The following ABCC12 variants were observed in gnomAD, a reference collection of about 807,000 sequenced individuals.
ABCC12 encodes ATP-binding cassette sub-family C member 12.
A neutral mutation model predicts 151.1 loss-of-function variants in ABCC12; 142 were observed. That is an observed-to-expected ratio of 0.94 (90% confidence interval 0.82 to 1.08). ABCC12 has a LOEUF of 1.08. Ranked by LOEUF, ABCC12 falls within the 50% of genes least tolerant of loss-of-function variation. The probability of loss-of-function intolerance (pLI) is 0.00; values close to 1 mark genes in which losing one functional copy is unlikely to be tolerated. For missense variants in ABCC12, 1,638 were observed against 1,691.1 expected, an observed-to-expected ratio of 0.97 and a Z score of 0.55; for synonymous variants, 645 against 646.4, an observed-to-expected ratio of 1.00 and a Z score of 0.03.
intron 22 of ABCC12, among the ~76,000 whole-genome samples, 172 bp from the exon 23 acceptor site, chr16:48,101,181 TG>T (rs1203413261): frequency 4.6e-5 from 7 of 152,078 alleles, no homozygotes; most frequent in Non-Finnish European, 1.0e-4. Flanking sequence ...CTGCCCCAGG[TG>T]TGGGAATGGC....
chr16:48,105,170 G>C lies in ABCC12; in HGVS notation c.2642C>G (p.Ser881Cys). Residue 881 changes from serine to cysteine, a missense_variant, in exon 21 of 31, where the codon TCC becomes TGC. Transcript: ENST00000311303. ...FVFTKTTLMA[S>C]SSLHDTVFDK... ...AAACACCGTGTCATGCAGAGAGGAG[G>C]ATGCCATCAGTGTGGTCTTGGTGAA... The C allele has an allele frequency of 3.1e-6, 5 of 1,614,150 alleles. No homozygotes were observed. Among genetic ancestry groups the C allele is most frequent in the Non-Finnish European group, 3.4e-6 (4 of 1,180,030 alleles).
intron 20 of ABCC12, among the ~76,000 whole-genome samples, chr16:48,106,696 C>T (rs951659440): frequency 6.6e-6 from 1 of 152,166 alleles, no homozygotes; most frequent in Non-Finnish European, 1.5e-5. Flanking sequence ...GAGGATGGGC[C>T]AGCGTCCCCA....
In ABCC12 at chr16:48,140,684, T is replaced by A. The variant is rs1423905611; in HGVS notation, c.657+3A>T. 1 of 1,613,626 alleles carries A rather than the reference T, an allele frequency of 6.2e-7. No individual in the cohort carries two copies. Among genetic ancestry groups the A allele is most frequent in the South Asian group, 1.1e-5 (1 of 91,028 alleles). Reference sequence around the variant, plus strand: ...AACATTAAACTCCTCTGAGCCAGCTTACCTCGCCAACAGAGATGTGGGTCA... The same window carrying A: ...AACATTAAACTCCTCTGAGCCAGCTAACCTCGCCAACAGAGATGTGGGTCA... On this transcript the variant is annotated splice_donor_region_variant and intron_variant, in intron 6 of 30. Transcript: ENST00000311303.
At chr16:48,113,237 C>G (rs1325890665) in intron 15 of ABCC12, among the ~76,000 whole-genome samples, 1 of 152,188 alleles carries the variant, frequency 6.6e-6, no homozygotes, top group Non-Finnish European at 1.5e-5. Context: ...TGAATGATAA[C>G]AGTTCTAACA....
chr16:48,105,353 G>C lies in ABCC12; in HGVS notation c.2476-17C>G. Reference sequence around the variant, plus strand: ...ACAGGTCATCTTTGGAGAAAAACAAGAGAAGCACCAAGAATTGATAAATTC... The same window carrying C: ...ACAGGTCATCTTTGGAGAAAAACAACAGAAGCACCAAGAATTGATAAATTC... On this transcript the variant is annotated splice_polypyrimidine_tract_variant and intron_variant, in intron 20 of 30. Transcript: ENST00000311303. The C allele has an allele frequency of 6.3e-7, 1 of 1,588,234 alleles. No individual in the cohort carries two copies. Among genetic ancestry groups the C allele is most frequent in the Non-Finnish European group, 8.6e-7 (1 of 1,167,798 alleles).
intron 9 of ABCC12, among the ~76,000 whole-genome samples, chr16:48,132,816 A>C (rs1372980345): frequency 6.6e-6 from 1 of 152,218 alleles, no homozygotes; most frequent in African/African-American, 2.4e-5. Flanking sequence ...TGCTTTACAC[A>C]AAATAACTGA....
intron 28 of ABCC12, 183 bp downstream of exon 28, chr16:48,086,558 G>A (rs777925545): frequency 1.7e-6 from 1 of 593,336 alleles, no homozygotes; most frequent in Non-Finnish European, 3.0e-6. Flanking sequence ...TCATTGTAGA[G>A]CCCTATTGTT....
In ABCC12 at chr16:48,139,301, C is replaced by G. The variant is rs763352491; in HGVS notation, c.693G>C (p.Leu231Phe). 6.2e-7 allele frequency: 1 copy of G among 1,613,496 alleles called. No individual in the cohort carries two copies. The highest frequency in any genetic ancestry group is 8.5e-7 in the Non-Finnish European group (1 of 1,179,856). ...LNILSSDSYS[L>F]FEAALFCPLP... ...AAGGACAAAACAAGGCAGCTTCAAACAAAGAATAGCTATCACTTGACAGTA... is the reference window on the plus strand; with the variant it reads ...AAGGACAAAACAAGGCAGCTTCAAAGAAAGAATAGCTATCACTTGACAGTA... The change falls in exon 7 of 31, where the codon TTG becomes TTC. Residue 231 changes from leucine to phenylalanine, a missense_variant. Coordinates refer to ENST00000311303, the MANE Select transcript of ABCC12 (RefSeq NM_001393797.1).
intron 29 of ABCC12, 139 bp downstream of exon 29, chr16:48,085,454 A>G (rs1962546127): frequency 1.4e-6 from 1 of 724,434 alleles, no homozygotes; most frequent in Non-Finnish European, 2.3e-6. Flanking sequence ...ACTTTGTCTT[A>G]AGAAAAAGTG....
At chr16:48,141,909 T>C (rs1252287706) in intron 4 of ABCC12, among the ~76,000 whole-genome samples, 1 of 152,172 alleles carries the variant, frequency 6.6e-6, no homozygotes, top group Non-Finnish European at 1.5e-5. Flanking sequence ...TGTGACAAGA[T>C]CATTTTGCAC....
intron 12 of ABCC12, among the ~76,000 whole-genome samples, chr16:48,122,923 G>A (rs1964120033): frequency 6.6e-6 from 1 of 152,192 alleles, no homozygotes; most frequent in South Asian, 2.1e-4. Context: ...AAACCAAGTG[G>A]TTTCATGAGG....
In ABCC12 at chr16:48,096,864, G is replaced by A. The variant is rs139138303; in HGVS notation, c.3077C>T (p.Ala1026Val). Residue 1026 changes from alanine (A) to valine (V), a missense_variant, in exon 24 of 31, where the codon GCG becomes GTG. By Grantham distance (64) the Ala-to-Val change is moderately conservative. Transcript: ENST00000311303. Reference sequence around the variant, plus strand: ...GTTCATGAGGACATCCATTCTCAGCGCAAACCACCTGAGAGCACAGTTAAA... The same window carrying A: ...GTTCATGAGGACATCCATTCTCAGCACAAACCACCTGAGAGCACAGTTAAA... ...LYFNCALRWF[A>V]LRMDVLMNIL... 45 of 1,614,096 alleles carry A rather than the reference G, an allele frequency of 2.8e-5. No individual in the cohort carries two copies. The highest frequency in any genetic ancestry group is 1.9e-4 in the African/African-American group (14 of 75,020).
chr16:48,146,187 C>T (rs573314082), intron 3 of ABCC12, 119 bp downstream of exon 3: 40 of 872,656 alleles, frequency 4.6e-5, no homozygotes, highest in South Asian at 1.4e-4. Context: ...CATGGGTGGA[C>T]GGACAAAAGG....
Position 48,146,313 on chromosome 16 carries a change from A to G in ABCC12, c.112T>C (p.Cys38Arg), listed in dbSNP as rs780003825. 60 of 1,613,972 alleles carry G rather than the reference A, an allele frequency of 3.7e-5. No individual in the cohort carries two copies. The highest frequency in any genetic ancestry group is 4.7e-5 in the Non-Finnish European group (55 of 1,179,964). ...SLKTMIPVRP[C>R]ARLAPNPVDD... ...GTCCTTCTTCTGACTTACCTTGCAC[A>G]GGGTCGCACTGGGATCATGGTCTTC... Residue 38 changes from cysteine (C) to arginine (R), a missense_variant, in exon 3 of 31, where the codon TGT becomes CGT. Transcript: ENST00000311303.
intron 23 of ABCC12, 89 bp from the exon 24 acceptor site, chr16:48,096,991 A>C: frequency 6.5e-7 from 1 of 1,529,458 alleles, no homozygotes; most frequent in Non-Finnish European, 9.0e-7. Flanking sequence ...ACTTAAGGTT[A>C]GGGTGACTGG....
At chr16:48,129,871 A>G (rs1964364837) in intron 10 of ABCC12, among the ~76,000 whole-genome samples, 1 of 152,196 alleles carries the variant, frequency 6.6e-6, no homozygotes, top group Non-Finnish European at 1.5e-5. Flanking sequence ...TAATACATGC[A>G]ATTAATGTGA....
chr16:48,144,614 C>T (rs1390741859), intron 3 of ABCC12, among the ~76,000 whole-genome samples: 1 of 152,170 alleles, frequency 6.6e-6, no homozygotes, highest in Non-Finnish European at 1.5e-5. Context: ...ATCCAGGCCC[C>T]TCTGCTCACA....
intron 19 of ABCC12, among the ~76,000 whole-genome samples, chr16:48,107,744 G>A (rs1489728500): frequency 6.6e-6 from 1 of 152,256 alleles, no homozygotes; most frequent in East Asian, 1.9e-4. Flanking sequence ...GTTCACGCCT[G>A]TAATCCCAGC....
chr16:48,148,417 A>G (rs551983799), intron 2 of ABCC12, among the ~76,000 whole-genome samples: 4 of 151,858 alleles, frequency 2.6e-5, no homozygotes, highest in Non-Finnish European at 4.4e-5. Context: ...TTGTATTTCT[A>G]GTAGAGACGA....
Sources: allele counts gnomAD v4.1 joint callset (sites outside exome capture counted in the v4.1 genomes callset), GRCh38; gene constraint gnomAD v4.1.1; transcripts MANE v1.5; gene names NCBI Gene and HGNC (gene_info 2026-07-23, HGNC 2026-07-21).